TNRC6C: variants seen among roughly 807,000 people sequenced by gnomAD.
TNRC6C encodes the protein trinucleotide repeat-containing gene 6C protein.
Under a neutral mutation model 153.7 loss-of-function variants are expected in TNRC6C, and 20 were observed. That is an observed-to-expected ratio of 0.13 (90% CI 0.09 to 0.19). The LOEUF is 0.19. TNRC6C is among the 10% of genes least tolerant of loss of function. TNRC6C has a pLI of 1.00. For missense variants in TNRC6C, 1,987 were observed against 2,172.0 expected (o/e 0.91, Z 1.69); for synonymous variants, 811 against 841.4 (o/e 0.96, Z 0.63).
chr17:78,040,313 C>T (rs893474365), intron 2 of TNRC6C, among the ~76,000 whole-genome samples: 1 of 152,198 alleles, frequency 6.6e-6, no homozygotes, highest in Non-Finnish European at 1.5e-5. Context: ...GCTTGAAACA[C>T]TTGAGAGCTT....
At chr17:78,099,141 A>T (rs2073542684) in intron 17 of TNRC6C, among the ~76,000 whole-genome samples, 1 of 152,222 alleles carries the variant, frequency 6.6e-6, no homozygotes, top group East Asian at 1.9e-4. Context: ...GTGAGACCCC[A>T]TCTCCACAAA....
Position 78,067,814 on chromosome 17 carries a change from C to G in TNRC6C, c.2669C>G (p.Thr890Ser), listed in dbSNP as rs765369577. 1.4e-5 allele frequency: 22 copies of G among 1,613,904 alleles called. 1 individual carries two copies. The Admixed American group carries it at 2.8e-4, about 21-fold the overall frequency. Residue 890 changes from threonine (T) to serine (S), a missense_variant, in exon 5 of 20, where the codon ACC becomes AGC. Transcript: ENST00000301624. ...GGTGGGGATGAAATGAACCTCAGTACCAGCCAGTGGGAGGATGAAGAAGGG... is the reference window on the plus strand; with the variant it reads ...GGTGGGGATGAAATGAACCTCAGTAGCAGCCAGTGGGAGGATGAAGAAGGG...
chr17:78,077,301 G>A, exon 9 of TNRC6C: 1 of 1,581,422 alleles, frequency 6.3e-7, no homozygotes, highest in Non-Finnish European at 8.6e-7. Flanking sequence ...TTGCCTCCGG[G>A]CTGGGCATGC....
chr17:77,978,062 A>AT (rs2071026712), intron 1 of TNRC6C, among the ~76,000 whole-genome samples: 1 of 151,332 alleles, frequency 6.6e-6, no homozygotes, highest in South Asian at 2.1e-4. Context: ...CGCCCAGCTA[A>AT]TTTTTTTTGT....
exon 20 of TNRC6C, chr17:78,106,884 CAAAAA>C (rs72217904): frequency 2.6e-5 from 2 of 75,730 alleles, no homozygotes; most frequent in Non-Finnish European, 3.1e-5. Flanking sequence ...AAAAAAAATA[CAAAAA>C]AAAAAAAAAA....
At position 78,097,727 on chromosome 17, in the gene TNRC6C, C is replaced by T. The variant is rs1279079136; in HGVS notation, c.4307-616C>T. The T allele has an allele frequency of 3.3e-6, 5 of 1,528,888 alleles. No individual in the cohort carries two copies. The highest frequency in any genetic ancestry group is 4.4e-6 in the Non-Finnish European group (5 of 1,131,824). The allele number at this position is 1,528,888 out of a possible 1,614,324, so 94.7% of individuals were successfully genotyped here. A position where few individuals can be genotyped will look rare whatever the true frequency, so the allele number is the denominator to read the frequency against. ...GACACCGCCACCACCTTGCTCAGTG[C>T]CGTGTTTGGTTCTGCAGGGTCCTCC... is the stretch of plus-strand genomic sequence containing the variant. On this transcript the variant is annotated intron_variant, in intron 16 of 19. Coordinates refer to ENST00000301624, the Ensembl canonical transcript of TNRC6C.
chr17:78,100,370 C>G (rs1175146342), intron 17 of TNRC6C, among the ~76,000 whole-genome samples: 1 of 152,236 alleles, frequency 6.6e-6, no homozygotes, highest in African/African-American at 2.4e-5. Flanking sequence ...CGTATATCCT[C>G]TGAAATCTAG....
chr17:78,039,352 CCT>C (rs2072248361), intron 2 of TNRC6C, among the ~76,000 whole-genome samples: 1 of 151,434 alleles, frequency 6.6e-6, no homozygotes, highest in Non-Finnish European at 1.5e-5. Context: ...TCAGCCATCC[CCT>C]CTGTTCTTGG....
intron 17 of TNRC6C, among the ~76,000 whole-genome samples, chr17:78,101,135 C>G (rs1414235989): frequency 1.3e-5 from 2 of 152,168 alleles, no homozygotes; most frequent in Non-Finnish European, 2.9e-5. Context: ...TAGCAGCACC[C>G]AAGTCACCTC....
At chr17:78,048,398 C>T (rs1453152173) in intron 2 of TNRC6C, among the ~76,000 whole-genome samples, 3 of 152,140 alleles carry the variant, frequency 2.0e-5, no homozygotes, top group Non-Finnish European at 2.9e-5. Flanking sequence ...AGCCATGTTT[C>T]GCCTCTATAT....
In TNRC6C at chr17:78,083,176, T is replaced by C; in HGVS notation, c.3477+10T>C. 6.2e-7 allele frequency: 1 copy of C among 1,613,678 alleles called. No individual in the cohort carries two copies. Among genetic ancestry groups the C allele is most frequent in the Non-Finnish European group, 8.5e-7 (1 of 1,179,898 alleles). ...CTATCAGCTGCAGCTGGTGAGTGGATAGACCCATGCAAGTTAGAGCACGCA... is the reference window on the plus strand; with the variant it reads ...CTATCAGCTGCAGCTGGTGAGTGGACAGACCCATGCAAGTTAGAGCACGCA... On this transcript the variant is annotated intron_variant, in intron 11 of 19. Transcript: ENST00000301624.
chr17:78,041,510 CTT>C (rs968354077), intron 2 of TNRC6C, among the ~76,000 whole-genome samples: 3 of 152,200 alleles, frequency 2.0e-5, no homozygotes, highest in Non-Finnish European at 2.9e-5. Context: ...AGGCAACAAA[CTT>C]ATTCTTTTGG....
rs948232614 is a variant in TNRC6C, at chr17:78,104,576, A to G, written c.4804A>G (p.Thr1602Ala). The G allele has an allele frequency of 2.6e-6, 4 of 1,553,078 alleles. No homozygotes were observed. In the East Asian group the frequency reaches 9.7e-5, roughly 38 times the overall value. The change falls in exon 20 of 20, where the codon ACT becomes GCT. Residue 1602 changes from threonine to alanine, a missense_variant. Thr to Ala is a moderately conservative substitution (Grantham distance 58). Coordinates refer to ENST00000301624, the Ensembl canonical transcript of TNRC6C. The surrounding 1 kb of genome is among the most constrained non-coding windows in gnomAD (Gnocchi z 6.2). ...AGCCCAAGGCCAGGCGCTGCCACCC[A>G]CTTCCAGCTGGCAGTCCAGCAGCGC...
At chr17:77,994,508 AC>A (rs1344550639) in intron 1 of TNRC6C, among the ~76,000 whole-genome samples, 3 of 152,210 alleles carry the variant, frequency 2.0e-5, no homozygotes, top group African/African-American at 7.2e-5. Context: ...CTTTTAGTTC[AC>A]AAAATTGCAA....
At chr17:78,046,361 A>G (rs1302793017) in intron 2 of TNRC6C, among the ~76,000 whole-genome samples, 1 of 152,030 alleles carries the variant, frequency 6.6e-6, no homozygotes, top group Non-Finnish European at 1.5e-5. Flanking sequence ...TTGTGTAAGT[A>G]GAGACGAGGT....
chr17:78,058,623 T>C (rs999436838), intron 3 of TNRC6C, among the ~76,000 whole-genome samples: 11 of 152,220 alleles, frequency 7.2e-5, no homozygotes, highest in African/African-American at 1.7e-4. Flanking sequence ...CAACAATGGC[T>C]AGAAGTAAAA....
chr17:78,071,250 G>A (rs1218975513), intron 6 of TNRC6C, 85 bp downstream of exon 8: 1 of 1,331,912 alleles, frequency 7.5e-7, no homozygotes, highest in Admixed American at 2.0e-5. Flanking sequence ...TTTGTTATGT[G>A]TGTCAGAAGA....
intron 2 of TNRC6C, among the ~76,000 whole-genome samples, chr17:78,043,027 G>A (rs1350176026): frequency 2.0e-5 from 3 of 152,114 alleles, no homozygotes; most frequent in Admixed American, 6.5e-5. Flanking sequence ...CTCTTTCTCC[G>A]TGAACCTGCA....
At position 78,082,970 on chromosome 17, in the gene TNRC6C, A is replaced by G. The variant is rs2144443648; in HGVS notation, c.3358-77A>G. ...ACAAATTATCATTTAATCATTTTTGAATTTTGAAAAACTACAGGTACAAGT... is the reference window on the plus strand; with the variant it reads ...ACAAATTATCATTTAATCATTTTTGGATTTTGAAAAACTACAGGTACAAGT... On this transcript the variant is annotated intron_variant, in intron 10 of 19. Coordinates refer to ENST00000301624, the Ensembl canonical transcript of TNRC6C. The G allele has an allele frequency of 1.4e-5, 22 of 1,543,294 alleles. 1 individual carries two copies. The South Asian group carries it at 2.6e-4, about 18-fold the overall frequency.
Sources: gnomAD v4.1 joint callset for allele counts (sites outside exome capture counted in the v4.1 genomes callset) on GRCh38, gnomAD v4.1.1 for gene constraint, Gnocchi (gnomAD v3.1) non-coding constraint, MANE v1.5 for transcripts, NCBI Gene and HGNC (gene_info 2026-07-23, HGNC 2026-07-21) for gene names.